The following SLC4A7 variants were observed in gnomAD, a reference collection of about 807,000 sequenced individuals.
SLC4A7 encodes the protein solute carrier family 4 member 7.
SLC4A7 carries 51 observed loss-of-function variants against 137.6 expected under a neutral mutation model. The observed-to-expected ratio is 0.37, with a 90% CI of 0.30 to 0.47. The LOEUF (loss-of-function observed/expected upper bound fraction) is 0.47, where lower values mean the gene tolerates loss of function less well. Among genes scored for constraint, SLC4A7 ranks in the 20% least tolerant of loss-of-function variants. SLC4A7 has a pLI of 1.00. For missense variants in SLC4A7, 1,247 were observed against 1,525.4 expected (o/e 0.82, Z 3.04); for synonymous variants, 542 against 518.6 (o/e 1.05, Z -0.61).
chr3:27,453,896 T>C (rs1273663247), intron 1 of SLC4A7, among the ~76,000 whole-genome samples: 1 of 152,190 alleles, frequency 6.6e-6, no homozygotes, highest in African/African-American at 2.4e-5. Context: ...TGTATATGAC[T>C]CTGAATGATT....
At chr3:27,431,984 A>C (rs2056345976) in intron 6 of SLC4A7, among the ~76,000 whole-genome samples, 1 of 152,222 alleles carries the variant, frequency 6.6e-6, no homozygotes. Flanking sequence ...ATACAAAGTC[A>C]CTGCTTAAAC....
intron 1 of SLC4A7, among the ~76,000 whole-genome samples, chr3:27,463,148 C>T (rs1187368076): frequency 1.3e-5 from 2 of 152,178 alleles, no homozygotes; most frequent in Non-Finnish European, 2.9e-5. Flanking sequence ...AAAGTTAGGG[C>T]CGGGCGCGGT....
Position 27,397,762 on chromosome 3 carries a change from G to C in SLC4A7, c.2625C>G (p.Leu875=). ...RSTISDFAVF[L]TIVIMVTIDY... Reference sequence around the variant, plus strand: ...CAATTGTAACCATTATTACTATTGTGAGAAATACAGCAAAATCACTGATTG... The same window carrying C: ...CAATTGTAACCATTATTACTATTGTCAGAAATACAGCAAAATCACTGATTG... The change falls in exon 18 of 26, where the codon CTC becomes CTG. Residue 875 remains leucine (L), a synonymous_variant. Transcript: ENST00000454389. 1 of 1,607,002 alleles carries C rather than the reference G, an allele frequency of 6.2e-7. No individual in the cohort carries two copies.
chr3:27,395,999 T>TACAA (rs1332765928), intron 18 of SLC4A7, among the ~76,000 whole-genome samples: 1 of 152,178 alleles, frequency 6.6e-6, no homozygotes, highest in Admixed American at 6.5e-5. Flanking sequence ...ATTTTGACAG[T>TACAA]ACAATGTAAG....
chr3:27,382,364 C>T (rs1576072298), intron 24 of SLC4A7, among the ~76,000 whole-genome samples: 1 of 152,196 alleles, frequency 6.6e-6, no homozygotes, highest in Admixed American at 6.5e-5. Context: ...ATCCACCTGC[C>T]TCAGCCTCCC....
At chr3:27,387,729 T>C (rs60257686) in intron 22 of SLC4A7, among the ~76,000 whole-genome samples, 4,404 of 152,238 alleles carry the variant, frequency 0.029, 222 homozygotes, top group African/African-American at 0.1. Flanking sequence ...AAATAAGCTG[T>C]TGAAGAACAC....
At position 27,410,318 on chromosome 3, in the gene SLC4A7, T is replaced by C. The variant is rs142965365; in HGVS notation, c.1767-788A>G. ...GCGTTATCTACAGTGTCTAGAACACTACCTGGGAAATAGTAGGCACTCAAC... is the reference window on the plus strand; with the variant it reads ...GCGTTATCTACAGTGTCTAGAACACCACCTGGGAAATAGTAGGCACTCAAC... On this transcript the variant is annotated intron_variant, in intron 12 of 25. Transcript: ENST00000454389. Among the ~76,000 whole-genome samples, 433 of 152,268 alleles carry C rather than the reference T, an allele frequency of 2.8e-3. 1 individual carries two copies. Among genetic ancestry groups the C allele is most frequent in the African/African-American group, 8.8e-3 (366 of 41,550 alleles).
chr3:27,377,209 T>C (rs1307304039), intron 25 of SLC4A7, among the ~76,000 whole-genome samples: 1 of 152,080 alleles, frequency 6.6e-6, no homozygotes, highest in Admixed American at 6.6e-5. Flanking sequence ...AATATATGAA[T>C]CTTTGTTAAT....
chr3:27,478,781 A>G (rs1356169934), intron 1 of SLC4A7, among the ~76,000 whole-genome samples: 5 of 149,676 alleles, frequency 3.3e-5, no homozygotes. Context: ...TGAGGTCAGG[A>G]GTTCAAGACC....
In SLC4A7 at chr3:27,406,981, A is replaced by G. The variant is rs574497506; in HGVS notation, c.1942-2018T>C. On this transcript the variant is annotated intron_variant, in intron 13 of 25. Transcript: ENST00000454389. ...GTCTAAATGGTATACATACAGAGAA[A>G]AAAAGCAAAACATTGAGACATGAAG... Among the ~76,000 whole-genome samples the G allele has an allele frequency of 3.0e-4, 45 of 152,276 alleles. No homozygotes were observed. In the Middle Eastern group the frequency reaches 0.017, roughly 58 times the overall value.
intron 3 of SLC4A7, among the ~76,000 whole-genome samples, chr3:27,438,527 CAAAATAAAAT>C (rs141000029): frequency 9.2e-4 from 137 of 149,506 alleles, no homozygotes; most frequent in African/African-American, 2.8e-3. Flanking sequence ...TAAAATAACA[CAAAATAAAAT>C]AAAATAAAAT....
At chr3:27,400,696 G>C (rs2052658915) in intron 16 of SLC4A7, 68 bp downstream of exon 16, 8 of 884,872 alleles carry the variant, frequency 9.0e-6, no homozygotes, top group Non-Finnish European at 1.2e-5. Context: ...ATGGATGTCT[G>C]ATTAGAAAAA....
chr3:27,425,274 G>A (rs1364863654), intron 7 of SLC4A7, among the ~76,000 whole-genome samples: 1 of 150,966 alleles, frequency 6.6e-6, no homozygotes, highest in Non-Finnish European at 1.5e-5. Context: ...GGAGGTTGAG[G>A]CAGGAGAATC....
At chr3:27,437,079 G>A (rs537373661) in intron 4 of SLC4A7, among the ~76,000 whole-genome samples, 2 of 152,242 alleles carry the variant, frequency 1.3e-5, no homozygotes, top group South Asian at 2.1e-4. Context: ...GGCCGGGAAC[G>A]GTGGCTAACG....
At chr3:27,452,057 T>C (rs901071080) in intron 2 of SLC4A7, among the ~76,000 whole-genome samples, 1 of 152,132 alleles carries the variant, frequency 6.6e-6, no homozygotes, top group Non-Finnish European at 1.5e-5. Flanking sequence ...ATAAAATGAA[T>C]GTTGAGATGA....
chr3:27,466,702 C>A (rs747131971), intron 1 of SLC4A7, among the ~76,000 whole-genome samples: 25 of 151,658 alleles, frequency 1.6e-4, no homozygotes, highest in Non-Finnish European at 3.2e-4. Flanking sequence ...ATAAAAAATA[C>A]CAAAATTAGC....
chr3:27,458,691 G>A (rs1276099828), intron 1 of SLC4A7, among the ~76,000 whole-genome samples: 2 of 152,182 alleles, frequency 1.3e-5, no homozygotes, highest in East Asian at 1.9e-4. Context: ...CAAACAATCA[G>A]GTTAAAAACC....
At chr3:27,425,676 CAAAAAAAAAAAA>C (rs59895795) in intron 7 of SLC4A7, among the ~76,000 whole-genome samples, 1,066 of 61,598 alleles carry the variant, frequency 0.017, 10 homozygotes, top group Non-Finnish European at 0.022. Flanking sequence ...AACTCTGTCT[CAAAAAAAAAAAA>C]AAAAAAAAAA....
chr3:27,453,480 G>T (rs560266672), intron 1 of SLC4A7, among the ~76,000 whole-genome samples: 9 of 152,136 alleles, frequency 5.9e-5, no homozygotes, highest in Non-Finnish European at 1.0e-4. Context: ...AGGTGTGGTG[G>T]CACGCGCCTG....
Sources: gnomAD v4.1 joint callset for allele counts (sites outside exome capture counted in the v4.1 genomes callset) on GRCh38, gnomAD v4.1.1 for gene constraint, MANE v1.5 for transcripts, NCBI Gene and HGNC (gene_info 2026-07-23, HGNC 2026-07-21) for gene names.